CHSY3: variants seen among roughly 807,000 people sequenced by gnomAD.
CHSY3 encodes the protein N-acetylgalactosaminyl-proteoglycan 3-beta-glucuronosyltransferase 3.
Under a neutral mutation model 67.2 loss-of-function variants are expected in CHSY3, and 35 were observed. The ratio of observed to expected loss-of-function variants is 0.52; its 90% CI spans 0.40 to 0.69. The LOEUF (loss-of-function observed/expected upper bound fraction) is 0.69, where lower values mean the gene tolerates loss of function less well. CHSY3 is among the 30% of genes least tolerant of loss of function. The probability of loss-of-function intolerance (pLI) is 0.00; values close to 1 mark genes in which losing one functional copy is unlikely to be tolerated. For missense variants in CHSY3, 1,069 were observed against 1,138.5 expected, an observed-to-expected ratio of 0.94 and a Z score of 0.88; for synonymous variants, 474 against 434.7, an observed-to-expected ratio of 1.09 and a Z score of -1.12.
chr5:130,009,709 G>T (rs145444138), intron 2 of CHSY3, among the ~76,000 whole-genome samples: 1 of 152,218 alleles, frequency 6.6e-6, no homozygotes, highest in East Asian at 1.9e-4. Context: ...GTTGGATAAT[G>T]AAGTAAGACC....
intron 2 of CHSY3, among the ~76,000 whole-genome samples, chr5:129,984,633 T>G (rs1382120902): frequency 6.6e-6 from 1 of 152,150 alleles, no homozygotes; most frequent in East Asian, 1.9e-4. Context: ...CTAATTTACA[T>G]TACCCCAGAA....
In CHSY3 at chr5:130,185,875, T is replaced by A. The variant is rs187472554; in HGVS notation, c.*84T>A. 1 of 681,708 alleles carries A rather than the reference T, an allele frequency of 1.5e-6. No homozygotes were observed. Among genetic ancestry groups the A allele is most frequent in the Non-Finnish European group, 2.1e-6 (1 of 468,936 alleles). 42.2% of individuals were successfully genotyped at this position (681,708 alleles called of 1,614,324 possible). ...GTTATTTTTATTGTATTATTGTTATTTTATTATTATTATTGTTATAATTTT... is the reference window on the plus strand; with the variant it reads ...GTTATTTTTATTGTATTATTGTTATATTATTATTATTATTGTTATAATTTT... On this transcript the variant is annotated 3_prime_UTR_variant, in exon 3 of 3. Coordinates refer to ENST00000305031, the MANE Select transcript of CHSY3 (RefSeq NM_175856.5).
At position 130,166,231 on chromosome 5, in the gene CHSY3, G is replaced by C. The variant is rs948535472; in HGVS notation, c.1087-17998G>C. On this transcript the variant is annotated intron_variant, in intron 2 of 2. Coordinates refer to ENST00000305031, the MANE Select transcript of CHSY3 (RefSeq NM_175856.5). ...ATTTATTTTATTTTATCTGTTCAGA[G>C]AGAAAAATTTTAAAACTCCATTTAA... Among the ~76,000 whole-genome samples the C allele has an allele frequency of 6.4e-4, 97 of 152,158 alleles. 1 individual carries two copies. The highest frequency in any genetic ancestry group is 1.2e-3 in the Non-Finnish European group (81 of 67,948).
At chr5:129,958,650 C>A (rs1384940782) in intron 2 of CHSY3, among the ~76,000 whole-genome samples, 1 of 152,128 alleles carries the variant, frequency 6.6e-6, no homozygotes, top group Admixed American at 6.6e-5. Context: ...CCTACCTCAT[C>A]CTCCTGAGTA....
intron 2 of CHSY3, among the ~76,000 whole-genome samples, chr5:130,025,126 C>T (rs538698906): frequency 2.1e-5 from 2 of 93,438 alleles, no homozygotes; most frequent in African/African-American, 4.7e-5. Context: ...TATTAGGGTC[C>T]TTTATGGATT....
At chr5:129,909,198 T>C (rs1760441793) in intron 2 of CHSY3, among the ~76,000 whole-genome samples, 1 of 152,148 alleles carries the variant, frequency 6.6e-6, no homozygotes, top group Non-Finnish European at 1.5e-5. Flanking sequence ...AAGATAATTT[T>C]AGTAAAAATT....
At chr5:130,143,125 CT>C (rs1464134433) in intron 2 of CHSY3, among the ~76,000 whole-genome samples, 1 of 152,090 alleles carries the variant, frequency 6.6e-6, no homozygotes, top group Non-Finnish European at 1.5e-5. Context: ...AACAGACAAA[CT>C]TTTTTGTGTG....
intron 2 of CHSY3, among the ~76,000 whole-genome samples, chr5:130,180,520 GTTTTTGT>G (rs767924579): frequency 1.7e-4 from 26 of 151,916 alleles, no homozygotes; most frequent in East Asian, 5.8e-4. Context: ...CTCCTGTTTT[GTTTTTGT>G]TTTTTGTTTT....
intron 2 of CHSY3, among the ~76,000 whole-genome samples, chr5:130,014,644 A>G (rs1370955592): frequency 1.3e-5 from 2 of 152,222 alleles, no homozygotes; most frequent in Non-Finnish European, 2.9e-5. Flanking sequence ...GAGAACTACA[A>G]TTCAAGATGA....
At chr5:130,181,640 G>A (rs961482445) in intron 2 of CHSY3, among the ~76,000 whole-genome samples, 1 of 152,114 alleles carries the variant, frequency 6.6e-6, no homozygotes, top group African/African-American at 2.4e-5. Flanking sequence ...CATATTAAAT[G>A]CACACATATG....
chr5:129,987,655 C>T (rs1267771843), intron 2 of CHSY3, among the ~76,000 whole-genome samples: 2 of 152,278 alleles, frequency 1.3e-5, no homozygotes, highest in South Asian at 4.1e-4. Context: ...CCCTTCAAAA[C>T]AAGATCACAC....
Position 129,905,399 on chromosome 5 carries a change from C to G in CHSY3, c.570C>G (p.Ala190=), listed in dbSNP as rs746082778. Residue 190 remains alanine, a synonymous_variant, in exon 1 of 3, where the codon GCC becomes GCG. Coordinates refer to ENST00000305031, the MANE Select transcript of CHSY3 (RefSeq NM_175856.5). Reference sequence around the variant, plus strand: ...AGTACCTGGGCAGCCGCGCGCTGGCCGCGCAGCGGACCTGGGCGCGTTTCA... The same window carrying G: ...AGTACCTGGGCAGCCGCGCGCTGGCGGCGCAGCGGACCTGGGCGCGTTTCA... ...AQKYLGSRAL[A]AQRTWARFIP... is the part of the protein sequence containing the mutation. The G allele has an allele frequency of 1.2e-6, 2 of 1,606,244 alleles. No homozygotes were observed. The highest frequency in any genetic ancestry group is 1.7e-5 in the Admixed American group (1 of 59,470).
chr5:130,143,784 G>GTTTA (rs1179526892), intron 2 of CHSY3, among the ~76,000 whole-genome samples: 1 of 73,844 alleles, frequency 1.4e-5, no homozygotes, highest in Non-Finnish European at 2.3e-5. Flanking sequence ...ATATATATGT[G>GTTTA]TATATATATA....
intron 2 of CHSY3, among the ~76,000 whole-genome samples, chr5:130,068,368 T>C (rs1004797658): frequency 2.6e-5 from 4 of 152,148 alleles, no homozygotes; most frequent in African/African-American, 7.2e-5. Context: ...CTGTACATGA[T>C]GGTCCACGTG....
intron 2 of CHSY3, among the ~76,000 whole-genome samples, chr5:130,155,914 G>T (rs1448027535): frequency 6.6e-6 from 1 of 152,142 alleles, no homozygotes. Context: ...TTTAATCATT[G>T]TACATTTGTA....
intron 2 of CHSY3, among the ~76,000 whole-genome samples, chr5:130,045,893 T>C (rs1268234131): frequency 1.3e-5 from 2 of 152,098 alleles, no homozygotes; most frequent in African/African-American, 4.8e-5. Flanking sequence ...TTTCTTGTGC[T>C]TAATGACAGG....
At chr5:129,982,593 A>G (rs1459497466) in intron 2 of CHSY3, among the ~76,000 whole-genome samples, 2 of 152,088 alleles carry the variant, frequency 1.3e-5, no homozygotes, top group Admixed American at 1.3e-4. Context: ...AAGAACAGGT[A>G]CTATATTTAA....
chr5:130,043,482 G>T (rs1268236143), intron 2 of CHSY3, among the ~76,000 whole-genome samples: 2 of 152,106 alleles, frequency 1.3e-5, no homozygotes, highest in Non-Finnish European at 2.9e-5. Context: ...GGTTACTTCA[G>T]ATATTTGCCC....
intron 2 of CHSY3, among the ~76,000 whole-genome samples, chr5:129,914,067 T>G (rs2149578255): frequency 6.6e-6 from 1 of 152,338 alleles, no homozygotes; most frequent in Non-Finnish European, 1.5e-5. Context: ...TGTGTTATTC[T>G]TATAGGGCTG....
Sources: gnomAD v4.1 joint callset for allele counts (sites outside exome capture counted in the v4.1 genomes callset) on GRCh38, gnomAD v4.1.1 for gene constraint, MANE v1.5 for transcripts, NCBI Gene and HGNC (gene_info 2026-07-23, HGNC 2026-07-21) for gene names.